NARS2: variants seen among roughly 807,000 people sequenced by gnomAD.
The protein encoded by NARS2 is asparaginyl-tRNA synthetase 2, mitochondrial.
In NARS2, 60 loss-of-function variants were observed where a neutral mutation model predicts 62.9. The observed-to-expected ratio is 0.95, with a 90% CI of 0.77 to 1.18. The LOEUF is 1.18. Ranked by LOEUF, NARS2 falls within the 50% of genes most tolerant of loss-of-function variation. NARS2 has a pLI of 0.00. For synonymous variants in NARS2, 196 were observed against 200.0 expected (o/e 0.98, Z 0.17); for missense variants, 619 against 576.4 (o/e 1.07, Z -0.76).
intron 11 of NARS2, among the ~76,000 whole-genome samples, chr11:78,460,098 G>A (rs561595900): frequency 6.6e-6 from 1 of 152,274 alleles, no homozygotes; most frequent in African/African-American, 2.4e-5. Flanking sequence ...CACAGAAGAA[G>A]GGTGGTGATA....
At chr11:78,532,591 G>T (rs911872557) in intron 5 of NARS2, among the ~76,000 whole-genome samples, 10 of 152,152 alleles carry the variant, frequency 6.6e-5, no homozygotes, top group Non-Finnish European at 1.5e-4. Flanking sequence ...GCTCATACGG[G>T]CAAGTCACTA....
chr11:78,475,666 A>G (rs1859063347), intron 9 of NARS2, among the ~76,000 whole-genome samples: 1 of 141,480 alleles, frequency 7.1e-6, no homozygotes, highest in Non-Finnish European at 1.5e-5. Context: ...CTGTGATCAT[A>G]GCTCACTGAA....
At chr11:78,451,856 C>G (rs565284231) in intron 11 of NARS2, among the ~76,000 whole-genome samples, 152 of 152,232 alleles carry the variant, frequency 1.0e-3, no homozygotes, top group African/African-American at 3.2e-3. Flanking sequence ...TAGAGTACTG[C>G]AAAGGTGACT....
At chr11:78,549,145 G>T (rs563496040) in intron 5 of NARS2, among the ~76,000 whole-genome samples, 1 of 152,356 alleles carries the variant, frequency 6.6e-6, no homozygotes, top group East Asian at 1.9e-4. Context: ...GGGGATGGAG[G>T]CTCCACCTTG....
chr11:78,573,944 A>G (rs967113848), intron 1 of NARS2, among the ~76,000 whole-genome samples: 3 of 152,248 alleles, frequency 2.0e-5, no homozygotes, highest in African/African-American at 7.2e-5. Context: ...GCATGGTTTG[A>G]ACAAGTATTT....
chr11:78,492,945 A>T, intron 7 of NARS2, 118 bp downstream of exon 7: 1 of 804,894 alleles, frequency 1.2e-6, no homozygotes, highest in Non-Finnish European at 2.0e-6. Context: ...TTTATTAAGT[A>T]GTTACCCCTT....
At chr11:78,486,914 A>C (rs893728763) in intron 7 of NARS2, among the ~76,000 whole-genome samples, 1 of 152,220 alleles carries the variant, frequency 6.6e-6, no homozygotes, top group Non-Finnish European at 1.5e-5. Flanking sequence ...GAAACTAAAA[A>C]TAAATAAATA....
chr11:78,478,172 T>C lies in NARS2; in HGVS notation c.959+266A>G, dbSNP rs190072649. On this transcript the variant is annotated intron_variant, in intron 9 of 13. Transcript: ENST00000281038. ...TTATAGTTACATAGTTAATAGTTAC[T>C]AGATTTTATCTTGCTATGATTTATT... Among the ~76,000 whole-genome samples the C allele has an allele frequency of 3.9e-5, 6 of 152,270 alleles. No individual in the cohort carries two copies. In the East Asian group the frequency reaches 9.6e-4, roughly 24 times the overall value.
At chr11:78,448,348 G>A (rs1261930416) in intron 11 of NARS2, among the ~76,000 whole-genome samples, 3 of 145,212 alleles carry the variant, frequency 2.1e-5, no homozygotes, top group Non-Finnish European at 3.0e-5. Flanking sequence ...ACGGACTCTC[G>A]CTCTGTAGGC....
At chr11:78,478,558 T>C (rs527548860) in intron 8 of NARS2, 27 bp downstream of exon 8, 47 of 1,452,370 alleles carry the variant, frequency 3.2e-5, no homozygotes, top group Admixed American at 2.1e-4. Context: ...AGTAGATGTA[T>C]TGGGCTTTAT....
At chr11:78,564,671 G>C (rs1856682321) in intron 4 of NARS2, among the ~76,000 whole-genome samples, 1 of 152,106 alleles carries the variant, frequency 6.6e-6, no homozygotes, top group African/African-American at 2.4e-5. Context: ...AAGCCATGTG[G>C]TTAAAAAACA....
At chr11:78,516,615 T>G (rs1860921565) in intron 6 of NARS2, among the ~76,000 whole-genome samples, 1 of 152,232 alleles carries the variant, frequency 6.6e-6, no homozygotes. Flanking sequence ...TACACACAGT[T>G]TCTCAATAAA....
At chr11:78,538,343 T>G (rs925715619) in intron 5 of NARS2, among the ~76,000 whole-genome samples, 1 of 152,172 alleles carries the variant, frequency 6.6e-6, no homozygotes, top group Non-Finnish European at 1.5e-5. Flanking sequence ...CCTCATTCAT[T>G]CATCTAAGCA....
At chr11:78,536,591 GAA>G (rs766827831) in intron 5 of NARS2, among the ~76,000 whole-genome samples, 2 of 151,488 alleles carry the variant, frequency 1.3e-5, no homozygotes, top group Non-Finnish European at 2.9e-5. Context: ...AATAATGAAA[GAA>G]AATATTTTTG....
chr11:78,527,594 G>C (rs1187722862), intron 6 of NARS2, among the ~76,000 whole-genome samples: 4 of 152,096 alleles, frequency 2.6e-5, no homozygotes, highest in Non-Finnish European at 5.9e-5. Flanking sequence ...CATTCTTCTA[G>C]CAAAGTACAA....
chr11:78,458,435 GAC>G (rs1858252511), intron 11 of NARS2, among the ~76,000 whole-genome samples: 1 of 152,082 alleles, frequency 6.6e-6, no homozygotes, highest in Non-Finnish European at 1.5e-5. Flanking sequence ...AGGAAATTAA[GAC>G]ACAAAAAGAT....
intron 7 of NARS2, among the ~76,000 whole-genome samples, chr11:78,489,148 G>A (rs1250772306): frequency 6.6e-6 from 1 of 152,100 alleles, no homozygotes; most frequent in Non-Finnish European, 1.5e-5. Context: ...TTAAGGGGAT[G>A]AAAAGTCAAG....
intron 4 of NARS2, 45 bp downstream of exon 4, chr11:78,566,087 A>G (rs749192377): frequency 1.3e-6 from 2 of 1,486,320 alleles, no homozygotes; most frequent in East Asian, 4.6e-5. Context: ...TTAAACAGTT[A>G]TTAAAACTGT....
At chr11:78,487,326 A>T (rs1859621360) in intron 7 of NARS2, among the ~76,000 whole-genome samples, 1 of 150,810 alleles carries the variant, frequency 6.6e-6, no homozygotes, top group South Asian at 2.1e-4. Context: ...ACTGCACTCC[A>T]GCCTGGGCAA....
Sources: allele counts gnomAD v4.1 joint callset (sites outside exome capture counted in the v4.1 genomes callset), GRCh38; gene constraint gnomAD v4.1.1; transcripts MANE v1.5; gene names NCBI Gene and HGNC (gene_info 2026-07-23, HGNC 2026-07-21).